The following GALNT7 variants were observed in gnomAD, a reference collection of about 807,000 sequenced individuals.
GALNT7 encodes N-acetylgalactosaminyltransferase 7.
Under a neutral mutation model 82.1 loss-of-function variants are expected in GALNT7, and 60 were observed. The observed-to-expected ratio is 0.73, with a 90% CI of 0.59 to 0.91. The LOEUF (loss-of-function observed/expected upper bound fraction) is 0.91. GALNT7 is among the 40% of genes least tolerant of loss of function. GALNT7 has a pLI of 0.00. For missense variants in GALNT7, 660 were observed against 804.2 expected, an observed-to-expected ratio of 0.82 and a Z score of 2.17; for synonymous variants, 243 against 275.1, an observed-to-expected ratio of 0.88 and a Z score of 1.15.
intron 1 of GALNT7, among the ~76,000 whole-genome samples, chr4:173,240,922 T>C (rs534985687): frequency 2.6e-5 from 4 of 152,264 alleles, no homozygotes; most frequent in Non-Finnish European, 5.9e-5. Flanking sequence ...GGGGGATGGC[T>C]GTGCATGCTT....
intron 1 of GALNT7, among the ~76,000 whole-genome samples, chr4:173,244,224 A>G (rs1734535604): frequency 6.6e-6 from 1 of 152,202 alleles, no homozygotes. Context: ...AAACATGTTT[A>G]CTACTTAACC....
At chr4:173,270,907 A>G (rs1481884549) in intron 2 of GALNT7, among the ~76,000 whole-genome samples, 1 of 152,224 alleles carries the variant, frequency 6.6e-6, no homozygotes, top group Non-Finnish European at 1.5e-5. Context: ...CTCCTGCTCT[A>G]TCAGTATGAC....
Position 173,322,037 on chromosome 4 carries a change from T to C in GALNT7, c.*320T>C, listed in dbSNP as rs1737837943. 5.4e-6 allele frequency: 1 copy of C among 184,062 alleles called. No individual in the cohort carries two copies. The highest frequency in any genetic ancestry group is 1.1e-5 in the Non-Finnish European group (1 of 87,028). 11.4% of individuals were successfully genotyped at this position (184,062 alleles called of 1,614,324 possible). On this transcript the variant is annotated 3_prime_UTR_variant, in exon 12 of 12. Coordinates refer to ENST00000265000, the MANE Select transcript of GALNT7 (RefSeq NM_017423.3). ...TTAAAGCATGTTGTCTTCTTTGGGA[T>C]TACACTCAGGGGTCTGAAAGGCAGT...
chr4:173,210,089 G>A (rs1451549032), intron 1 of GALNT7, among the ~76,000 whole-genome samples: 4 of 151,830 alleles, frequency 2.6e-5, no homozygotes, highest in Non-Finnish European at 4.4e-5. Context: ...ACCTGAGATC[G>A]TGCCACTGCA....
intron 1 of GALNT7, among the ~76,000 whole-genome samples, chr4:173,224,809 C>A (rs191593703): frequency 3.3e-5 from 5 of 151,478 alleles, no homozygotes; most frequent in Admixed American, 6.6e-5. Context: ...TCAGGAGATC[C>A]AGACCATCCT....
At chr4:173,259,211 A>G (rs1306909853) in intron 2 of GALNT7, among the ~76,000 whole-genome samples, 8 of 152,194 alleles carry the variant, frequency 5.3e-5, no homozygotes, top group Non-Finnish European at 8.8e-5. Flanking sequence ...ACAGAGATGG[A>G]TTTATAGGAT....
intron 1 of GALNT7, among the ~76,000 whole-genome samples, chr4:173,224,883 C>T (rs34971958): frequency 0.14 from 20,852 of 151,318 alleles, 1,903 homozygotes; most frequent in Non-Finnish European, 0.21. Flanking sequence ...GGCGTGGTGG[C>T]GCGCGCCTGT....
At chr4:173,262,304 A>G (rs961719335) in intron 2 of GALNT7, among the ~76,000 whole-genome samples, 8 of 152,204 alleles carry the variant, frequency 5.3e-5, no homozygotes, top group African/African-American at 1.7e-4. Context: ...AACCTTTAGT[A>G]CTGTTTCTAG....
In GALNT7 at chr4:173,180,491, C is replaced by T. The variant is rs1263569671; in HGVS notation, c.126+11530C>T. 2.0e-5 allele frequency among the ~76,000 whole-genome samples: 3 copies of T among 152,124 alleles called. No individual in the cohort carries two copies. In the East Asian group the frequency reaches 5.8e-4, roughly 29 times the overall value. Reference sequence around the variant, plus strand: ...TACAGGCGCCCACAACCATGCCCAGCTAATTTTTGTATTTTTAGTAGAGAT... The same window carrying T: ...TACAGGCGCCCACAACCATGCCCAGTTAATTTTTGTATTTTTAGTAGAGAT... On this transcript the variant is annotated intron_variant, in intron 1 of 11. Coordinates refer to ENST00000265000, the MANE Select transcript of GALNT7 (RefSeq NM_017423.3).
intron 1 of GALNT7, among the ~76,000 whole-genome samples, chr4:173,214,718 C>A (rs1180557117): frequency 1.3e-5 from 2 of 152,118 alleles, no homozygotes; most frequent in African/African-American, 4.8e-5. Context: ...CACTTGGCAG[C>A]AGAGAGTTTA....
At chr4:173,211,784 A>C (rs889187499) in intron 1 of GALNT7, among the ~76,000 whole-genome samples, 2 of 152,180 alleles carry the variant, frequency 1.3e-5, no homozygotes, top group Non-Finnish European at 2.9e-5. Context: ...GACTCACCTC[A>C]TAGATTATAC....
chr4:173,220,031 A>AT (rs1554022201), intron 1 of GALNT7, among the ~76,000 whole-genome samples: 1 of 151,982 alleles, frequency 6.6e-6, no homozygotes, highest in Non-Finnish European at 1.5e-5. Flanking sequence ...TTTTTGTTGC[A>AT]TTTGCTTTTG....
At chr4:173,197,626 C>T (rs1433101715) in intron 1 of GALNT7, among the ~76,000 whole-genome samples, 4 of 152,112 alleles carry the variant, frequency 2.6e-5, no homozygotes, top group African/African-American at 7.2e-5. Context: ...GGGAATTGCA[C>T]AAGGAGCAAT....
At chr4:173,269,385 A>T (rs1049731961) in intron 2 of GALNT7, among the ~76,000 whole-genome samples, 26 of 152,116 alleles carry the variant, frequency 1.7e-4, no homozygotes, top group Admixed American at 1.6e-3. Flanking sequence ...TAGATACCTA[A>T]CTGCTAAAAT....
intron 1 of GALNT7, among the ~76,000 whole-genome samples, chr4:173,190,888 C>A (rs370853132): frequency 1.3e-5 from 2 of 152,008 alleles, no homozygotes; most frequent in Admixed American, 6.6e-5. Flanking sequence ...GTAGAGGAGG[C>A]GTGGAATTGG....
chr4:173,260,504 A>G (rs1384104345), intron 2 of GALNT7, among the ~76,000 whole-genome samples: 1 of 149,220 alleles, frequency 6.7e-6, no homozygotes, highest in Non-Finnish European at 1.5e-5. Context: ...TATTTTATGT[A>G]TAGGAAAAGA....
At chr4:173,319,768 A>C (rs1040776857) in intron 11 of GALNT7, among the ~76,000 whole-genome samples, 1 of 152,184 alleles carries the variant, frequency 6.6e-6, no homozygotes, top group African/African-American at 2.4e-5. Flanking sequence ...GTTCAAAAAT[A>C]TAGCTAAAGC....
chr4:173,234,724 T>G (rs1734156319), intron 1 of GALNT7, among the ~76,000 whole-genome samples: 1 of 152,230 alleles, frequency 6.6e-6, no homozygotes, highest in Non-Finnish European at 1.5e-5. Context: ...GGCAGATCCC[T>G]CATGTATTGT....
At chr4:173,266,783 T>C (rs1735509328) in intron 2 of GALNT7, among the ~76,000 whole-genome samples, 1 of 151,906 alleles carries the variant, frequency 6.6e-6, no homozygotes, top group East Asian at 1.9e-4. Context: ...AAGACAAGTA[T>C]TGCATGTTCT....
Sources: gnomAD v4.1 joint callset for allele counts (sites outside exome capture counted in the v4.1 genomes callset) on GRCh38, gnomAD v4.1.1 for gene constraint, MANE v1.5 for transcripts, NCBI Gene and HGNC (gene_info 2026-07-23, HGNC 2026-07-21) for gene names.